Variants in NRG1 observed in about 807,000 individuals in gnomAD.
NRG1 encodes the protein pro-neuregulin-1, membrane-bound isoform.
NRG1 carries 18 observed loss-of-function variants against 63.8 expected under a neutral mutation model. The observed-to-expected ratio is 0.28, with a 90% CI of 0.19 to 0.42. The LOEUF is 0.42. NRG1 is among the 10% of genes least tolerant of loss of function. The probability of loss-of-function intolerance (pLI) is 1.00; values close to 1 mark genes in which losing one functional copy is unlikely to be tolerated. For missense variants in NRG1, 762 were observed against 814.7 expected (o/e 0.94, Z 0.79); for synonymous variants, 302 against 301.3 (o/e 1.00, Z -0.02).
chr8:32,153,378 G>A (rs1397874600), intron 1 of NRG1, among the ~76,000 whole-genome samples: 1 of 152,168 alleles, frequency 6.6e-6, no homozygotes, highest in Non-Finnish European at 1.5e-5. Context: ...AGTACAGAAA[G>A]CAAGGAGAGA....
At chr8:31,784,062 G>A (rs1372811736) in intron 1 of NRG1, among the ~76,000 whole-genome samples, 1 of 152,038 alleles carries the variant, frequency 6.6e-6, no homozygotes, top group Non-Finnish European at 1.5e-5. Context: ...TTGTAGAATT[G>A]GGACTCAAAT....
intron 1 of NRG1, among the ~76,000 whole-genome samples, chr8:32,354,371 A>C (rs1200004951): frequency 9.8e-6 from 1 of 101,560 alleles, no homozygotes; most frequent in African/African-American, 3.5e-5. Flanking sequence ...TCCATCTCAA[A>C]AAACAACAAC....
chr8:32,308,236 ACT>A (rs1440243865), intron 1 of NRG1, among the ~76,000 whole-genome samples: 1 of 152,092 alleles, frequency 6.6e-6, no homozygotes, highest in Admixed American at 6.5e-5. Context: ...GCTTTCCAAG[ACT>A]CTAACTGATT....
intron 1 of NRG1, among the ~76,000 whole-genome samples, chr8:32,415,962 C>A (rs10087829): frequency 0.25 from 37,349 of 152,072 alleles, 4,911 homozygotes; most frequent in Middle Eastern, 0.34. Context: ...GACCACACTG[C>A]AGCCTTTAGT....
intron 1 of NRG1, among the ~76,000 whole-genome samples, chr8:31,917,649 A>G (rs1833519557): frequency 6.6e-6 from 1 of 152,178 alleles, no homozygotes; most frequent in African/African-American, 2.4e-5. Flanking sequence ...TGATGCCTCC[A>G]GCTTTGTTCT....
At chr8:32,018,306 A>G (rs1045582392) in intron 1 of NRG1, among the ~76,000 whole-genome samples, 1 of 152,194 alleles carries the variant, frequency 6.6e-6, no homozygotes, top group Non-Finnish European at 1.5e-5. Context: ...TAACTGAACT[A>G]TTCACTTCCC....
At chr8:31,663,910 T>C (rs1424048018) in intron 1 of NRG1, among the ~76,000 whole-genome samples, 1 of 152,118 alleles carries the variant, frequency 6.6e-6, no homozygotes, top group Non-Finnish European at 1.5e-5. Flanking sequence ...AGTAGGTAAC[T>C]GTACTCAGCT....
intron 1 of NRG1, among the ~76,000 whole-genome samples, chr8:31,708,477 G>A (rs1276132052): frequency 1.2e-4 from 17 of 138,892 alleles, no homozygotes; most frequent in African/African-American, 4.3e-4. Flanking sequence ...ACGGAGTCTC[G>A]CTCTGGCGCC....
At chr8:32,361,385 T>G (rs1012640136) in intron 1 of NRG1, among the ~76,000 whole-genome samples, 52 of 152,134 alleles carry the variant, frequency 3.4e-4, no homozygotes, top group African/African-American at 1.2e-3. Flanking sequence ...CAGTTCCCAC[T>G]GAACCAAACA....
At chr8:31,893,242 A>G (rs995671189) in intron 1 of NRG1, among the ~76,000 whole-genome samples, 4 of 151,260 alleles carry the variant, frequency 2.6e-5, no homozygotes, top group Admixed American at 2.6e-4. Context: ...CAACTGGATA[A>G]CTATTTGAAA....
intron 1 of NRG1, among the ~76,000 whole-genome samples, chr8:32,434,069 C>G (rs921641930): frequency 2.0e-5 from 3 of 152,072 alleles, no homozygotes; most frequent in Admixed American, 1.3e-4. Flanking sequence ...GCCTGTAATC[C>G]CAGCTACTTG....
chr8:32,676,194 A>C (rs866685020), intron 5 of NRG1, among the ~76,000 whole-genome samples: 1 of 152,196 alleles, frequency 6.6e-6, no homozygotes, highest in African/African-American at 2.4e-5. Context: ...GGTGACACTC[A>C]GGTCAGTGAC....
intron 1 of NRG1, among the ~76,000 whole-genome samples, chr8:32,236,588 TTC>T (rs2129469378): frequency 6.6e-6 from 1 of 152,270 alleles, no homozygotes; most frequent in East Asian, 1.9e-4. Context: ...AGATCATCAG[TTC>T]ACTTTCCTCT....
At chr8:31,896,264 A>G (rs1448909692) in intron 1 of NRG1, among the ~76,000 whole-genome samples, 2 of 152,190 alleles carry the variant, frequency 1.3e-5, no homozygotes, top group Non-Finnish European at 2.9e-5. Context: ...ATGTTTTATT[A>G]TGTATGTGTG....
intron 1 of NRG1, among the ~76,000 whole-genome samples, chr8:31,834,586 C>A (rs1316778988): frequency 6.6e-6 from 1 of 152,110 alleles, no homozygotes; most frequent in Non-Finnish European, 1.5e-5. Context: ...TGGTGTATGC[C>A]TGCAGTCCCT....
At chr8:31,866,363 T>C (rs1031966184) in intron 1 of NRG1, among the ~76,000 whole-genome samples, 1 of 152,170 alleles carries the variant, frequency 6.6e-6, no homozygotes, top group African/African-American at 2.4e-5. Context: ...TTGTCTAAGT[T>C]TGGGCAGCAA....
chr8:32,428,220 T>A (rs7016691), intron 1 of NRG1, among the ~76,000 whole-genome samples: 27,504 of 152,202 alleles, frequency 0.18, 2,510 homozygotes, highest in African/African-American at 0.19. Context: ...TCAATTCAAG[T>A]CTGACTTCAG....
At chr8:32,519,756 G>T (rs746409584) in intron 1 of NRG1, among the ~76,000 whole-genome samples, 1 of 152,072 alleles carries the variant, frequency 6.6e-6, no homozygotes, top group Non-Finnish European at 1.5e-5. Flanking sequence ...TTTTCCTTCC[G>T]AGAGATTTGA....
intron 1 of NRG1, among the ~76,000 whole-genome samples, chr8:31,869,500 C>T (rs1216734450): frequency 6.6e-6 from 1 of 152,180 alleles, no homozygotes; most frequent in African/African-American, 2.4e-5. Context: ...GTAGCATTTT[C>T]TTAAAATTAG....
Sources: gnomAD v4.1 joint callset for allele counts (sites outside exome capture counted in the v4.1 genomes callset) on GRCh38, gnomAD v4.1.1 for gene constraint, MANE v1.5 for transcripts, NCBI Gene and HGNC (gene_info 2026-07-23, HGNC 2026-07-21) for gene names.